Variants in DLG2 observed in about 807,000 individuals in gnomAD.
DLG2 encodes the protein discs large MAGUK scaffold protein 2, also known as disks large homolog 2.
Under a neutral mutation model 132.5 loss-of-function variants are expected in DLG2, and 45 were observed. The ratio of observed to expected loss-of-function variants is 0.34; its 90% confidence interval spans 0.27 to 0.44. DLG2 has a LOEUF of 0.44. DLG2 is among the 20% of genes least tolerant of loss of function. The probability of loss-of-function intolerance (pLI) is 1.00; values close to 1 mark genes in which losing one functional copy is unlikely to be tolerated. For synonymous variants in DLG2, 424 were observed against 419.6 expected (o/e 1.01, Z -0.13); for missense variants, 1,045 against 1,196.9 (o/e 0.87, Z 1.87).
intron 8 of DLG2, among the ~76,000 whole-genome samples, chr11:84,243,483 C>A (rs1317263775): frequency 6.6e-6 from 1 of 152,104 alleles, no homozygotes; most frequent in African/African-American, 2.4e-5. Flanking sequence ...CAGGCCAAAA[C>A]ATGTAGTGAA....
chr11:85,237,387 A>G (rs1339308814), intron 4 of DLG2, among the ~76,000 whole-genome samples: 1 of 152,080 alleles, frequency 6.6e-6, no homozygotes, highest in Non-Finnish European at 1.5e-5. Context: ...AAGTACAATA[A>G]TTAAAATATT....
intron 9 of DLG2, among the ~76,000 whole-genome samples, chr11:84,149,530 T>C (rs1047737286): frequency 1.3e-5 from 2 of 152,084 alleles, no homozygotes; most frequent in African/African-American, 4.8e-5. Flanking sequence ...TGGCTTTAGG[T>C]GTGTGGCTTT....
intron 6 of DLG2, among the ~76,000 whole-genome samples, chr11:84,710,577 T>C (rs1432506851): frequency 1.3e-5 from 2 of 151,918 alleles, no homozygotes; most frequent in Admixed American, 6.6e-5. Context: ...TTATTTGCCA[T>C]ATGATGCAGT....
intron 18 of DLG2, among the ~76,000 whole-genome samples, chr11:83,785,329 C>G (rs2095006823): frequency 6.6e-6 from 1 of 152,196 alleles, no homozygotes; most frequent in South Asian, 2.1e-4. Context: ...GCTGGGATTA[C>G]AGGCTTAAGC....
At chr11:83,829,943 G>C (rs1312382532) in intron 17 of DLG2, among the ~76,000 whole-genome samples, 1 of 152,020 alleles carries the variant, frequency 6.6e-6, no homozygotes, top group Non-Finnish European at 1.5e-5. Context: ...TCGCCATCCT[G>C]TGTCCAAGTG....
Position 85,156,486 on chromosome 11 carries a change from G to A in DLG2, c.187-1835C>T, listed in dbSNP as rs551001805. On this transcript the variant is annotated intron_variant, in intron 4 of 27. Transcript: ENST00000376104. ...GCAGTTTCAGGCTCAACCACTTTGGGATACCCAGGTAGCCTCTGTATCAGA... is the reference window on the plus strand; with the variant it reads ...GCAGTTTCAGGCTCAACCACTTTGGAATACCCAGGTAGCCTCTGTATCAGA... 1.2e-4 allele frequency among the ~76,000 whole-genome samples: 18 copies of A among 152,268 alleles called. No homozygotes were observed. The South Asian group carries it at 3.5e-3, about 30-fold the overall frequency.
intron 8 of DLG2, among the ~76,000 whole-genome samples, chr11:84,241,601 GA>G (rs998830283): frequency 3.1e-4 from 46 of 147,460 alleles, no homozygotes; most frequent in African/African-American, 9.2e-4. Flanking sequence ...TCAAAAAGAA[GA>G]AAAAAAAAAC....
intron 3 of DLG2, among the ~76,000 whole-genome samples, chr11:85,439,939 A>G (rs1237291868): frequency 6.6e-6 from 1 of 152,196 alleles, no homozygotes; most frequent in African/African-American, 2.4e-5. Flanking sequence ...CATAAACGCT[A>G]GATAGAGGTA....
chr11:83,963,040 A>G lies in DLG2; in HGVS notation c.1202-17T>C, dbSNP rs1254670157. ...GAGAATAAGCTAAGAGGTGGGGGAA[A>G]AAGAGAAAAGAAACCTGTTATGTGG... On this transcript the variant is annotated splice_polypyrimidine_tract_variant and intron_variant, in intron 13 of 27. Coordinates refer to ENST00000376104, the MANE Select transcript of DLG2 (RefSeq NM_001142699.3). 1 of 1,611,278 alleles carries G rather than the reference A, an allele frequency of 6.2e-7. No individual in the cohort carries two copies. The highest frequency in any genetic ancestry group is 8.5e-7 in the Non-Finnish European group (1 of 1,177,772).
intron 12 of DLG2, among the ~76,000 whole-genome samples, chr11:83,979,420 C>T (rs1296866968): frequency 3.9e-5 from 6 of 152,166 alleles, no homozygotes; most frequent in African/African-American, 1.4e-4. Flanking sequence ...ACTAATCTTA[C>T]TTGAGAGCTA....
At chr11:84,022,585 CAAAG>C (rs2095425758) in intron 11 of DLG2, among the ~76,000 whole-genome samples, 1 of 152,068 alleles carries the variant, frequency 6.6e-6, no homozygotes, top group Non-Finnish European at 1.5e-5. Context: ...CCAAAGAAAA[CAAAG>C]AAATGTTAGT....
chr11:85,106,031 C>T (rs2071690919), intron 6 of DLG2, among the ~76,000 whole-genome samples: 1 of 151,154 alleles, frequency 6.6e-6, no homozygotes, highest in South Asian at 2.1e-4. Context: ...TGCAGAATAG[C>T]TTATGCACAC....
At chr11:85,625,309 A>G (rs140667402) in intron 2 of DLG2, 64 of 152,364 alleles carry the variant, frequency 4.2e-4, no homozygotes, top group African/African-American at 1.5e-3. Flanking sequence ...TCAAAGAGCC[A>G]TATCATTTAT....
At chr11:85,383,412 T>G (rs1463118615) in intron 3 of DLG2, among the ~76,000 whole-genome samples, 2 of 152,178 alleles carry the variant, frequency 1.3e-5, no homozygotes, top group African/African-American at 2.4e-5. Flanking sequence ...TTTGTAAACT[T>G]ACTAACAAAA....
intron 3 of DLG2, among the ~76,000 whole-genome samples, chr11:85,462,498 C>G (rs940697472): frequency 5.9e-5 from 9 of 152,020 alleles, no homozygotes; most frequent in Admixed American, 2.6e-4. Context: ...CATGTCCTTT[C>G]TAGGGACATG....
chr11:83,871,474 C>T (rs1338741046), intron 16 of DLG2, among the ~76,000 whole-genome samples: 1 of 152,012 alleles, frequency 6.6e-6, no homozygotes, highest in Non-Finnish European at 1.5e-5. Context: ...TAAAAAATAT[C>T]CTATGTAGTT....
chr11:84,180,018 C>T (rs1192670449), intron 8 of DLG2, among the ~76,000 whole-genome samples: 3 of 151,952 alleles, frequency 2.0e-5, no homozygotes, highest in Non-Finnish European at 4.4e-5. Flanking sequence ...TAAAAAATGA[C>T]CAGGCATACT....
chr11:85,243,468 A>G (rs944895321), intron 4 of DLG2, among the ~76,000 whole-genome samples: 2 of 151,992 alleles, frequency 1.3e-5, no homozygotes, highest in African/African-American at 4.8e-5. Context: ...ATATTTCACC[A>G]AAAAGTTTTT....
chr11:85,039,740 C>A (rs144362053), intron 6 of DLG2, among the ~76,000 whole-genome samples: 3 of 151,892 alleles, frequency 2.0e-5, no homozygotes, highest in Non-Finnish European at 4.4e-5. Context: ...CTCCTCATCA[C>A]CTTACTCTCT....
Sources: gnomAD v4.1 joint callset for allele counts (sites outside exome capture counted in the v4.1 genomes callset) on GRCh38, gnomAD v4.1.1 for gene constraint, MANE v1.5 for transcripts, NCBI Gene and HGNC (gene_info 2026-07-23, HGNC 2026-07-21) for gene names.